Variants in PKHD1 observed in about 807,000 individuals in gnomAD.
PKHD1 encodes fibrocystin.
PKHD1 carries 291 observed loss-of-function variants against 412.0 expected under a neutral mutation model. That is an observed-to-expected ratio of 0.71 (90% CI 0.64 to 0.78). The LOEUF (loss-of-function observed/expected upper bound fraction) is 0.78. PKHD1 is among the 30% of genes least tolerant of loss of function. The probability of loss-of-function intolerance (pLI) is 0.00; values close to 1 mark genes in which losing one functional copy is unlikely to be tolerated. For missense variants in PKHD1, 4,825 were observed against 4,950.7 expected (o/e 0.97, Z 0.76); for synonymous variants, 1,777 against 1,821.5 (o/e 0.98, Z 0.62).
At position 51,982,328 on chromosome 6, in the gene PKHD1, G is replaced by A. The variant is rs1352438726; in HGVS notation, c.5752-22302C>T. ...GAGGTGTGCCCAGCGGCTCACTGGGGATGGGCCATGATGACAATGGCGGTT... is the reference window on the plus strand; with the variant it reads ...GAGGTGTGCCCAGCGGCTCACTGGGAATGGGCCATGATGACAATGGCGGTT... On this transcript the variant is annotated intron_variant, in intron 35 of 66. Transcript: ENST00000371117. Among the ~76,000 whole-genome samples the A allele has an allele frequency of 2.8e-3, 235 of 85,412 alleles. 18 individuals are homozygous for A. The highest frequency in any genetic ancestry group is 0.01 in the South Asian group (23 of 2,268). 56.0% of individuals were successfully genotyped at this position (85,412 alleles called of 152,430 possible).
chr6:52,046,028 A>G lies in PKHD1; in HGVS notation c.2568T>C (p.Ile856=), dbSNP rs772613823. 1.2e-6 allele frequency: 2 copies of G among 1,613,600 alleles called. No homozygotes were observed. The highest frequency in any genetic ancestry group is 2.2e-5 in the South Asian group (2 of 91,052). The part of the protein sequence containing the change: ...HVWTLSWSTQ[I]GDLPNFIRVS... Reference sequence around the variant, plus strand: ...CCCTGATAAAATTGGGCAAATCCCCAATCTGAGTGGACCAGGACAAGGTCC... The same window carrying G: ...CCCTGATAAAATTGGGCAAATCCCCGATCTGAGTGGACCAGGACAAGGTCC... The change falls in exon 24 of 67, where the codon ATT becomes ATC. Residue 856 remains isoleucine (I), a synonymous_variant. Transcript: ENST00000371117.
rs1217318105 is a variant in PKHD1, at chr6:51,649,108, G to A, written c.11287C>T (p.Gln3763Ter). The A allele has an allele frequency of 1.2e-6, 2 of 1,613,812 alleles. No individual in the cohort carries two copies. ...ACCTGCTCATCCAAAAATACCAATTGTGGCTGCACTGGAAGCTCATTTCCC... is the reference window on the plus strand; with the variant it reads ...ACCTGCTCATCCAAAAATACCAATTATGGCTGCACTGGAAGCTCATTTCCC... ...EVGNELPVQP[Q>*]LVFLDEQNRR... The change falls in exon 62 of 67, where the codon CAA (glutamine) becomes TAA (stop). Residue 3763 changes from glutamine to a stop codon, truncating the protein, a stop_gained. Coordinates refer to ENST00000371117, the MANE Select transcript of PKHD1 (RefSeq NM_138694.4). LOFTEE classifies it high-confidence loss of function.
At chr6:51,980,658 C>T (rs1414711540) in intron 35 of PKHD1, among the ~76,000 whole-genome samples, 1 of 152,128 alleles carries the variant, frequency 6.6e-6, no homozygotes, top group Non-Finnish European at 1.5e-5. Context: ...AAAATGTGGA[C>T]GTTTACAAGA....
At chr6:51,750,499 T>C (rs1785923612) in intron 57 of PKHD1, among the ~76,000 whole-genome samples, 1 of 152,136 alleles carries the variant, frequency 6.6e-6, no homozygotes, top group South Asian at 2.1e-4. Context: ...ACAAGGGAGA[T>C]AAATAAAGAG....
intron 63 of PKHD1, among the ~76,000 whole-genome samples, chr6:51,645,350 T>C (rs1192093696): frequency 1.3e-5 from 2 of 152,170 alleles, no homozygotes; most frequent in African/African-American, 4.8e-5. Context: ...AGTACTGATA[T>C]ATATCTCTTT....
chr6:51,725,378 A>G (rs1157729990), intron 60 of PKHD1, among the ~76,000 whole-genome samples: 1 of 152,234 alleles, frequency 6.6e-6, no homozygotes, highest in East Asian at 1.9e-4. Flanking sequence ...GTGGATGCTC[A>G]GAAATTGAAA....
intron 60 of PKHD1, among the ~76,000 whole-genome samples, chr6:51,713,057 GATAA>G (rs1419535896): frequency 1.3e-5 from 2 of 152,096 alleles, no homozygotes; most frequent in African/African-American, 4.8e-5. Context: ...GTAAACACTT[GATAA>G]ATGTTAGCTA....
intron 37 of PKHD1, among the ~76,000 whole-genome samples, chr6:51,925,631 TA>T (rs1307231287): frequency 2.6e-5 from 4 of 152,130 alleles, no homozygotes; most frequent in African/African-American, 9.7e-5. Flanking sequence ...ACATTGGTCT[TA>T]TCTGGTCTTC....
At chr6:51,953,572 C>T (rs958647279) in intron 36 of PKHD1, among the ~76,000 whole-genome samples, 1 of 150,968 alleles carries the variant, frequency 6.6e-6, no homozygotes, top group African/African-American at 2.4e-5. Flanking sequence ...TAGAAGCAAC[C>T]AAGTATACAA....
rs79978891 is a variant in PKHD1, at chr6:51,777,201, T to A, written c.8441-1280A>T. ...TACAATTGCCTGGTTTTCATCTTGGTTGCTGGTCTTTTGAGCAACATAAAA... is the reference window on the plus strand; with the variant it reads ...TACAATTGCCTGGTTTTCATCTTGGATGCTGGTCTTTTGAGCAACATAAAA... On this transcript the variant is annotated intron_variant, in intron 53 of 66. Transcript: ENST00000371117. Among the ~76,000 whole-genome samples, 811 of 152,214 alleles carry A rather than the reference T, an allele frequency of 5.3e-3. 30 individuals are homozygous for A. In the East Asian group the frequency reaches 0.1, roughly 19 times the overall value.
At chr6:51,841,383 C>T (rs1209857912) in intron 50 of PKHD1, among the ~76,000 whole-genome samples, 1 of 124,970 alleles carries the variant, frequency 8.0e-6, no homozygotes, top group Non-Finnish European at 1.8e-5. Context: ...TTCCTTTCTC[C>T]TCCTCTCCTC....
intron 49 of PKHD1, 116 bp from the exon 50 acceptor site, chr6:51,848,086 A>C (rs375038723): frequency 4.1e-6 from 3 of 734,718 alleles, no homozygotes; most frequent in African/African-American, 3.5e-5. Flanking sequence ...GGAGTAGTTT[A>C]GAAATCATAC....
At chr6:52,039,597 T>G (rs1804510438) in intron 27 of PKHD1, among the ~76,000 whole-genome samples, 1 of 152,178 alleles carries the variant, frequency 6.6e-6, no homozygotes, top group South Asian at 2.1e-4. Context: ...CTCAGGTAGT[T>G]CTTTATAGCA....
chr6:51,822,669 C>T (rs1006765876), intron 52 of PKHD1, among the ~76,000 whole-genome samples: 15 of 152,044 alleles, frequency 9.9e-5, no homozygotes, highest in African/African-American at 2.2e-4. Flanking sequence ...CCACATTTCC[C>T]GTTACCATCT....
At chr6:51,962,505 C>T (rs1030875999) in intron 35 of PKHD1, among the ~76,000 whole-genome samples, 2 of 152,066 alleles carry the variant, frequency 1.3e-5, no homozygotes, top group Non-Finnish European at 2.9e-5. Flanking sequence ...CTTGGCCTAG[C>T]CTGTCAGCCT....
At position 51,938,291 on chromosome 6, in the gene PKHD1, C is replaced by A. The variant is rs528608013; in HGVS notation, c.5909-3969G>T. 5.3e-5 allele frequency among the ~76,000 whole-genome samples: 8 copies of A among 152,300 alleles called. No homozygotes were observed. The South Asian group carries it at 1.7e-3, about 32-fold the overall frequency. On this transcript the variant is annotated intron_variant, in intron 36 of 66. Coordinates refer to ENST00000371117, the MANE Select transcript of PKHD1 (RefSeq NM_138694.4). ...GCCATCATATCCCCTGTGACCTGCA[C>A]GTATACATCCAGATGGCCTGAAGTA...
At chr6:52,063,233 C>T (rs958511890) in intron 13 of PKHD1, among the ~76,000 whole-genome samples, 1 of 152,160 alleles carries the variant, frequency 6.6e-6, no homozygotes, top group African/African-American at 2.4e-5. Context: ...TTGTGTTAAG[C>T]AAACCCTGAG....
At chr6:51,643,551 AT>A (rs1769663294) in intron 63 of PKHD1, among the ~76,000 whole-genome samples, 1 of 152,212 alleles carries the variant, frequency 6.6e-6, no homozygotes, top group South Asian at 2.1e-4. Flanking sequence ...GGGCCTTTAA[AT>A]TTGGATTGTA....
intron 14 of PKHD1, among the ~76,000 whole-genome samples, chr6:52,062,248 C>A (rs1808790387): frequency 6.6e-6 from 1 of 152,238 alleles, no homozygotes; most frequent in African/African-American, 2.4e-5. Context: ...AGTCTCCTGG[C>A]CTGCTCAGCT....
Sources: allele counts gnomAD v4.1 joint callset (sites outside exome capture counted in the v4.1 genomes callset), GRCh38; gene constraint gnomAD v4.1.1; transcripts MANE v1.5; gene names NCBI Gene and HGNC (gene_info 2026-07-23, HGNC 2026-07-21).